Variants in EPS15 observed in about 807,000 individuals in gnomAD.
The protein encoded by EPS15 is epidermal growth factor receptor substrate 15.
A neutral mutation model predicts 113.8 loss-of-function variants in EPS15; 72 were observed. The ratio of observed to expected loss-of-function variants is 0.63; its 90% CI spans 0.52 to 0.77. The LOEUF (loss-of-function observed/expected upper bound fraction) is 0.77. EPS15 is among the 30% of genes least tolerant of loss of function. EPS15 has a pLI of 0.00. For synonymous variants in EPS15, 344 were observed against 363.4 expected, an observed-to-expected ratio of 0.95 and a Z score of 0.61; for missense variants, 1,048 against 1,045.8, an observed-to-expected ratio of 1.00 and a Z score of -0.03.
At chr1:51,412,660 A>G (rs1178834937) in intron 13 of EPS15, among the ~76,000 whole-genome samples, 4 of 152,196 alleles carry the variant, frequency 2.6e-5, no homozygotes, top group African/African-American at 9.7e-5. Context: ...ATATAGAGAT[A>G]CGACTTTAGA....
chr1:51,475,549 G>T (rs1156466265), intron 2 of EPS15, among the ~76,000 whole-genome samples: 3 of 152,156 alleles, frequency 2.0e-5, no homozygotes, highest in African/African-American at 4.8e-5. Flanking sequence ...TGGTAAATTT[G>T]TCTAAGTTCT....
intron 12 of EPS15, among the ~76,000 whole-genome samples, chr1:51,429,268 T>G (rs985174883): frequency 6.6e-6 from 1 of 152,046 alleles, no homozygotes; most frequent in Non-Finnish European, 1.5e-5. Flanking sequence ...ATAGTGGTGA[T>G]AACTACACAA....
intron 1 of EPS15, among the ~76,000 whole-genome samples, chr1:51,483,979 C>T (rs1644072503): frequency 6.6e-6 from 1 of 152,030 alleles, no homozygotes; most frequent in Non-Finnish European, 1.5e-5. Flanking sequence ...GGCATAGTGG[C>T]ATGCATCTAT....
chr1:51,413,319 A>G (rs1649914045), intron 13 of EPS15, among the ~76,000 whole-genome samples: 1 of 152,200 alleles, frequency 6.6e-6, no homozygotes. Context: ...TACTTAATAC[A>G]CTGTAATCAT....
intron 21 of EPS15, among the ~76,000 whole-genome samples, chr1:51,380,977 C>G (rs1646927355): frequency 6.6e-6 from 1 of 152,126 alleles, no homozygotes. Flanking sequence ...GGTCAATTTA[C>G]CAATATGATG....
At chr1:51,388,002 A>C (rs1022004509) in intron 21 of EPS15, among the ~76,000 whole-genome samples, 46 of 152,206 alleles carry the variant, frequency 3.0e-4, no homozygotes, top group African/African-American at 1.1e-3. Flanking sequence ...TCCACCACAA[A>C]TCAACAGAAT....
At position 51,443,619 on chromosome 1, in the gene EPS15, C is replaced by G. The variant is rs546713158; in HGVS notation, c.954+1270G>C. On this transcript the variant is annotated intron_variant, in intron 11 of 24. Transcript: ENST00000371733. Reference sequence around the variant, plus strand: ...GTAGCTATAAATTCCATTTAGCTTACCAAAAAAATCCAATTTTCTTTCTTT... The same window carrying G: ...GTAGCTATAAATTCCATTTAGCTTAGCAAAAAAATCCAATTTTCTTTCTTT... Among the ~76,000 whole-genome samples, 15 of 130,818 alleles carry G rather than the reference C, an allele frequency of 1.1e-4. No homozygotes were observed. The South Asian group carries it at 3.9e-3, about 34-fold the overall frequency. 85.8% of individuals were successfully genotyped at this position (130,818 alleles called of 152,430 possible).
intron 2 of EPS15, among the ~76,000 whole-genome samples, chr1:51,474,677 TTTTTTA>T (rs1655479896): frequency 6.6e-6 from 1 of 151,454 alleles, no homozygotes; most frequent in Non-Finnish European, 1.5e-5. Flanking sequence ...ATAGTTTTCT[TTTTTTA>T]TTATTATTAT....
chr1:51,390,907 A>G (rs1466116488), intron 21 of EPS15, among the ~76,000 whole-genome samples: 4 of 152,176 alleles, frequency 2.6e-5, no homozygotes, highest in Admixed American at 1.3e-4. Context: ...TCAGTGTGGC[A>G]ATTCCTCAGG....
rs373409958 is a variant in EPS15 at position 51,370,754 on chromosome 1, A to C, written c.2120-4725T>G. Among the ~76,000 whole-genome samples, 3 of 151,078 alleles carry C rather than the reference A, an allele frequency of 2.0e-5. No individual in the cohort carries two copies. In the East Asian group the frequency reaches 5.9e-4, roughly 30 times the overall value. On this transcript the variant is annotated intron_variant, in intron 21 of 24. Coordinates refer to ENST00000371733, the MANE Select transcript of EPS15 (RefSeq NM_001981.3). ...TCCTGCCTCAGCCTCCTGAGTAGCT[A>C]AGATTATAGGCACGTACCACCATGC... is the stretch of plus-strand genomic sequence containing the variant.
intron 5 of EPS15, among the ~76,000 whole-genome samples, chr1:51,468,248 C>A (rs1207217902): frequency 6.6e-6 from 1 of 152,138 alleles, no homozygotes; most frequent in East Asian, 1.9e-4. Context: ...GCGTGAGCAA[C>A]CTCACCCAGC....
At chr1:51,420,386 C>G (rs1030845293) in intron 13 of EPS15, among the ~76,000 whole-genome samples, 1 of 152,136 alleles carries the variant, frequency 6.6e-6, no homozygotes, top group Non-Finnish European at 1.5e-5. Flanking sequence ...ATATACTCAA[C>G]AAAATACTGT....
At position 51,461,121 on chromosome 1, in the gene EPS15, A is replaced by G. The variant is rs531830378; in HGVS notation, c.531T>C (p.Asp177=). The G allele has an allele frequency of 1.9e-6, 3 of 1,604,202 alleles. No individual in the cohort carries two copies. In the Admixed American group the frequency reaches 5.0e-5, roughly 27 times the overall value. The change falls in exon 8 of 25, where the codon GAT becomes GAC. Residue 177 remains aspartate, a synonymous_variant. Coordinates refer to ENST00000371733, the MANE Select transcript of EPS15 (RefSeq NM_001981.3). ...RVWELSDIDH[D]GMLDRDEFAV... Reference sequence around the variant, plus strand: ...CAAACTCATCTCTGTCAAGCATTCCATCATGGTCAATATCACTCAACTCCC... The same window carrying G: ...CAAACTCATCTCTGTCAAGCATTCCGTCATGGTCAATATCACTCAACTCCC...
intron 20 of EPS15, among the ~76,000 whole-genome samples, chr1:51,394,783 A>C (rs568432216): frequency 6.6e-6 from 1 of 152,302 alleles, no homozygotes; most frequent in East Asian, 1.9e-4. Flanking sequence ...CTATAATCAC[A>C]ATCCTGACTT....
chr1:51,440,413 G>T lies in EPS15; in HGVS notation c.974C>A (p.Pro325His). The T allele has an allele frequency of 6.3e-7, 1 of 1,579,078 alleles. No homozygotes were observed. Among genetic ancestry groups the T allele is most frequent in the Non-Finnish European group, 8.7e-7 (1 of 1,155,642 alleles). ...SLQKNIIGSS[P>H]VADFSAIKEL... ...CTTAATAGCAGAGAAATCTGCAACA[G>T]GACTTGATCCTATGATGTTCTAAAA... Residue 325 changes from proline (P) to histidine (H), a missense_variant, in exon 12 of 25, where the codon CCT becomes CAT. By Grantham distance (77) the Pro-to-His change is moderately conservative. Coordinates refer to ENST00000371733, the MANE Select transcript of EPS15 (RefSeq NM_001981.3).
intron 1 of EPS15, among the ~76,000 whole-genome samples, chr1:51,481,995 C>A (rs1360413339): frequency 6.6e-6 from 1 of 152,002 alleles, no homozygotes; most frequent in East Asian, 1.9e-4. Flanking sequence ...CACAGTGAGA[C>A]CTCGTCTTTA....
chr1:51,410,173 G>C (rs1326585500), intron 13 of EPS15, among the ~76,000 whole-genome samples: 1 of 151,656 alleles, frequency 6.6e-6, no homozygotes, highest in Non-Finnish European at 1.5e-5. Flanking sequence ...AGGTTGCAGC[G>C]AGCCGAGATC....
Position 51,354,356 on chromosome 1 carries a change from C to T in EPS15, c.*2344G>A, listed in dbSNP as rs1438659876. On this transcript the variant is annotated 3_prime_UTR_variant, in exon 25 of 25. Coordinates refer to ENST00000371733, the MANE Select transcript of EPS15 (RefSeq NM_001981.3). ...TGCTGATTGTATGTACCTACTCCTCCTTGGACACAGCATGGACATAATCAG... is the reference window on the plus strand; with the variant it reads ...TGCTGATTGTATGTACCTACTCCTCTTTGGACACAGCATGGACATAATCAG... The T allele has an allele frequency of 5.6e-6, 1 of 179,942 alleles. No homozygotes were observed. The highest frequency in any genetic ancestry group is 1.2e-5 in the Non-Finnish European group (1 of 84,088). The allele number at this position is 179,942 out of a possible 1,614,324, so 11.1% of individuals were successfully genotyped here.
chr1:51,396,698 G>C (rs1283197124), intron 20 of EPS15, among the ~76,000 whole-genome samples: 1 of 152,112 alleles, frequency 6.6e-6, no homozygotes, highest in African/African-American at 2.4e-5. Context: ...ATAGCAGGGG[G>C]AACAGGATAG....
Sources: allele counts gnomAD v4.1 joint callset (sites outside exome capture counted in the v4.1 genomes callset), GRCh38; gene constraint gnomAD v4.1.1; transcripts MANE v1.5; gene names NCBI Gene and HGNC (gene_info 2026-07-23, HGNC 2026-07-21).